Variants in DPYD observed in about 807,000 individuals in gnomAD.
The protein encoded by DPYD is dihydropyrimidine dehydrogenase [NADP(+)].
Under a neutral mutation model 116.2 loss-of-function variants are expected in DPYD, and 109 were observed. The observed-to-expected ratio is 0.94, with a 90% CI of 0.80 to 1.10. The LOEUF (loss-of-function observed/expected upper bound fraction) is 1.10. Among genes scored for constraint, DPYD ranks in the 50% least tolerant of loss-of-function variants. DPYD has a pLI of 0.00. For synonymous variants in DPYD, 440 were observed against 432.0 expected, an observed-to-expected ratio of 1.02 and a Z score of -0.23; for missense variants, 1,302 against 1,254.5, an observed-to-expected ratio of 1.04 and a Z score of -0.57.
chr1:97,528,316 C>T (rs1649301967), intron 12 of DPYD, among the ~76,000 whole-genome samples: 1 of 151,786 alleles, frequency 6.6e-6, no homozygotes, highest in Non-Finnish European at 1.5e-5. Context: ...TGATTTGAGG[C>T]TTCAGAAGTT....
chr1:97,803,320 C>T (rs1168221077), intron 3 of DPYD, among the ~76,000 whole-genome samples: 1 of 151,844 alleles, frequency 6.6e-6, no homozygotes, highest in African/African-American at 2.4e-5. Context: ...ACAGGAAATA[C>T]TCTTCTTTAT....
At chr1:97,333,390 G>A (rs1434232490) in intron 16 of DPYD, among the ~76,000 whole-genome samples, 2 of 151,998 alleles carry the variant, frequency 1.3e-5, no homozygotes, top group Non-Finnish European at 2.9e-5. Flanking sequence ...TCTAGAGATG[G>A]AGTTTCACCA....
At chr1:97,306,009 C>A (rs552161330) in intron 17 of DPYD, among the ~76,000 whole-genome samples, 168 bp downstream of exon 17, 1 of 151,898 alleles carries the variant, frequency 6.6e-6, no homozygotes, top group South Asian at 2.1e-4. Flanking sequence ...TAGCATGAGT[C>A]CAGGTGTAAA....
chr1:97,199,557 T>C (rs1378706650), intron 19 of DPYD, among the ~76,000 whole-genome samples: 1 of 152,100 alleles, frequency 6.6e-6, no homozygotes, highest in African/African-American at 2.4e-5. Flanking sequence ...ATAATTTTTT[T>C]AATGTAATAC....
At chr1:97,199,375 GT>G (rs1444100836) in intron 19 of DPYD, among the ~76,000 whole-genome samples, 1 of 151,988 alleles carries the variant, frequency 6.6e-6, no homozygotes, top group Non-Finnish European at 1.5e-5. Flanking sequence ...TCTTAGCTGT[GT>G]AATCATGAGC....
intron 8 of DPYD, among the ~76,000 whole-genome samples, chr1:97,609,288 T>A (rs1655789971): frequency 6.6e-6 from 1 of 151,926 alleles, no homozygotes; most frequent in Non-Finnish European, 1.5e-5. Flanking sequence ...TGAAGTCTAG[T>A]TCAATCAGTT....
chr1:97,583,459 T>C (rs1378204821), intron 10 of DPYD, among the ~76,000 whole-genome samples: 2 of 152,192 alleles, frequency 1.3e-5, no homozygotes, highest in African/African-American at 2.4e-5. Context: ...CTGGCAGCTG[T>C]TGGAGTATCT....
chr1:97,769,873 A>T (rs897804763), intron 3 of DPYD, among the ~76,000 whole-genome samples: 1 of 152,212 alleles, frequency 6.6e-6, no homozygotes, highest in Non-Finnish European at 1.5e-5. Context: ...GGAACAAATC[A>T]GTGAACAAAT....
rs535651804 is a variant in DPYD at position 97,255,740 on chromosome 1, G to A, written c.2300-20746C>T. 2.9e-4 allele frequency among the ~76,000 whole-genome samples: 43 copies of A among 148,232 alleles called. 1 individual carries two copies. The highest frequency in any genetic ancestry group is 4.1e-4 in the Admixed American group (6 of 14,750). On this transcript the variant is annotated intron_variant, in intron 18 of 22. Coordinates refer to ENST00000370192, the MANE Select transcript of DPYD (RefSeq NM_000110.4). ...TTTTTCAGATGGGAAAACAAATCTA[G>A]AGTGGCTGAGTAATCTAACCAGGGG...
At chr1:97,481,996 T>A (rs1255506378) in intron 13 of DPYD, among the ~76,000 whole-genome samples, 1 of 152,202 alleles carries the variant, frequency 6.6e-6, no homozygotes, top group Non-Finnish European at 1.5e-5. Flanking sequence ...TATCTTTTTT[T>A]AGATTACTTT....
chr1:97,112,453 G>T (rs1383861430), intron 20 of DPYD, among the ~76,000 whole-genome samples: 3 of 152,128 alleles, frequency 2.0e-5, no homozygotes, highest in Non-Finnish European at 4.4e-5. Context: ...AGTGCTTAAA[G>T]AATGAAAGCA....
intron 8 of DPYD, among the ~76,000 whole-genome samples, chr1:97,610,447 A>G (rs1655869029): frequency 6.6e-6 from 1 of 152,024 alleles, no homozygotes; most frequent in South Asian, 2.1e-4. Context: ...TTCATCTTGA[A>G]AGGAGATTAT....
At chr1:97,517,378 G>A (rs145073244) in intron 12 of DPYD, among the ~76,000 whole-genome samples, 1 of 152,226 alleles carries the variant, frequency 6.6e-6, no homozygotes, top group African/African-American at 2.4e-5. Flanking sequence ...AATTTGAGGT[G>A]TGTGTATGTA....
At chr1:97,891,977 A>T (rs771840006) in intron 1 of DPYD, among the ~76,000 whole-genome samples, 1 of 151,898 alleles carries the variant, frequency 6.6e-6, no homozygotes, top group Admixed American at 6.6e-5. Flanking sequence ...TACATGCTTA[A>T]GATGATAAAC....
At chr1:97,231,973 T>C (rs1289266901) in intron 19 of DPYD, among the ~76,000 whole-genome samples, 2 of 152,234 alleles carry the variant, frequency 1.3e-5, no homozygotes, top group African/African-American at 4.8e-5. Flanking sequence ...CTGGATACTG[T>C]TATCTTCCAG....
At chr1:97,891,053 T>A (rs776322909) in intron 1 of DPYD, among the ~76,000 whole-genome samples, 1 of 151,906 alleles carries the variant, frequency 6.6e-6, no homozygotes, top group Non-Finnish European at 1.5e-5. Flanking sequence ...CTTAATAATA[T>A]CCCAAATGAA....
At chr1:97,319,286 T>C (rs1203055948) in intron 16 of DPYD, among the ~76,000 whole-genome samples, 1 of 150,782 alleles carries the variant, frequency 6.6e-6, no homozygotes, top group Non-Finnish European at 1.5e-5. Flanking sequence ...AATCAATGAA[T>C]CCAGGAGCTG....
intron 13 of DPYD, among the ~76,000 whole-genome samples, chr1:97,492,372 T>C (rs916930519): frequency 3.3e-5 from 5 of 152,160 alleles, no homozygotes; most frequent in Non-Finnish European, 5.9e-5. Context: ...TATGTAAGTA[T>C]TGACTGTGGT....
intron 20 of DPYD, among the ~76,000 whole-genome samples, chr1:97,177,364 C>T (rs1054681632): frequency 6.6e-6 from 1 of 152,088 alleles, no homozygotes; most frequent in Non-Finnish European, 1.5e-5. Context: ...GAAGTATCTA[C>T]TGGATTGAGT....
Sources: allele counts gnomAD v4.1 joint callset (sites outside exome capture counted in the v4.1 genomes callset), GRCh38; gene constraint gnomAD v4.1.1; transcripts MANE v1.5; gene names NCBI Gene and HGNC (gene_info 2026-07-23, HGNC 2026-07-21).